The following RPS6KA2 variants were observed in gnomAD, a reference collection of about 807,000 sequenced individuals.
RPS6KA2 encodes ribosomal protein S6 kinase alpha-2.
RPS6KA2 carries 42 observed loss-of-function variants against 91.8 expected under a neutral mutation model. The observed-to-expected ratio is 0.46, with a 90% CI of 0.36 to 0.59. RPS6KA2 has a LOEUF of 0.59. RPS6KA2 is among the 20% of genes least tolerant of loss of function. The pLI, the probability that RPS6KA2 is intolerant of heterozygous loss-of-function variation, is 0.00. For synonymous variants in RPS6KA2, 414 were observed against 393.6 expected (o/e 1.05, Z -0.61); for missense variants, 798 against 978.5 (o/e 0.82, Z 2.46).
At chr6:166,571,965 C>T (rs1009359189) in intron 1 of RPS6KA2, among the ~76,000 whole-genome samples, 2 of 152,114 alleles carry the variant, frequency 1.3e-5, no homozygotes, top group East Asian at 3.9e-4. Flanking sequence ...GGAATAAAAC[C>T]CTTACATCTT....
At chr6:166,442,150 A>G (rs762265172) in intron 14 of RPS6KA2, among the ~76,000 whole-genome samples, 1 of 152,164 alleles carries the variant, frequency 6.6e-6, no homozygotes, top group Admixed American at 6.5e-5. Context: ...TTATCAAACA[A>G]TGGATTTTTC....
chr6:166,559,306 T>C (rs545543029), intron 1 of RPS6KA2, among the ~76,000 whole-genome samples: 1 of 152,312 alleles, frequency 6.6e-6, no homozygotes, highest in African/African-American at 2.4e-5. Context: ...TGCACAGGGA[T>C]AGAGGCATGT....
At chr6:166,476,034 A>C (rs931943775) in intron 10 of RPS6KA2, among the ~76,000 whole-genome samples, 1 of 152,144 alleles carries the variant, frequency 6.6e-6, no homozygotes, top group Non-Finnish European at 1.5e-5. Context: ...ACATGTGCAA[A>C]AGGGGTCACT....
At chr6:166,828,224 G>C (rs1450628642) in intron 2 of RPS6KA2, among the ~76,000 whole-genome samples, 1 of 152,208 alleles carries the variant, frequency 6.6e-6, no homozygotes, top group Non-Finnish European at 1.5e-5. Context: ...GCCACAAAGT[G>C]AGCACAGAAT....
rs1232910936 is a variant in RPS6KA2, at chr6:166,459,122, A to G, written c.1075+327T>C. Among the ~76,000 whole-genome samples, 1 of 152,204 alleles carries G rather than the reference A, an allele frequency of 6.6e-6. No individual in the cohort carries two copies. The highest frequency in any genetic ancestry group is 2.4e-5 in the African/African-American group (1 of 41,454). ...TCTCCGTAAATGCACTTTAATTGAA[A>G]GAGGGATTTTAATTGCCTCCAGTTT... On this transcript the variant is annotated intron_variant, in intron 12 of 20. Coordinates refer to ENST00000265678, the MANE Select transcript of RPS6KA2 (RefSeq NM_021135.6). This position sits in a 1 kb window ranked among gnomAD's most constrained non-coding sequence, Gnocchi z 4.9.
chr6:166,447,177 A>G (rs572709986), intron 14 of RPS6KA2, among the ~76,000 whole-genome samples: 2 of 152,328 alleles, frequency 1.3e-5, no homozygotes, highest in African/African-American at 4.8e-5. Flanking sequence ...CAACCACTTC[A>G]TAACAAAACT....
chr6:166,447,746 G>A (rs544141005), intron 14 of RPS6KA2, among the ~76,000 whole-genome samples: 2 of 152,252 alleles, frequency 1.3e-5, no homozygotes, highest in South Asian at 2.1e-4. Flanking sequence ...CTTTTTACAC[G>A]ACTTGCTGGC....
intron 2 of RPS6KA2, among the ~76,000 whole-genome samples, chr6:166,644,706 G>A (rs1194847541): frequency 6.6e-6 from 1 of 152,216 alleles, no homozygotes. Context: ...GAGTGCTGTG[G>A]CTTACTTGCA....
At chr6:166,729,852 CCCACTT>C (rs1193684674) in intron 2 of RPS6KA2, among the ~76,000 whole-genome samples, 1 of 152,176 alleles carries the variant, frequency 6.6e-6, no homozygotes, top group African/African-American at 2.4e-5. Flanking sequence ...ACCCTGGACA[CCCACTT>C]CCTGTGTGTG....
intron 2 of RPS6KA2, among the ~76,000 whole-genome samples, chr6:166,695,228 C>T (rs112992077): frequency 0.012 from 1,877 of 152,276 alleles, 17 homozygotes; most frequent in South Asian, 0.03. Flanking sequence ...AACTCTGAAA[C>T]TCAAAAGGTG....
At chr6:166,574,229 G>T (rs529888805) in intron 1 of RPS6KA2, among the ~76,000 whole-genome samples, 1 of 152,304 alleles carries the variant, frequency 6.6e-6, no homozygotes, top group East Asian at 1.9e-4. Context: ...ATTGCATGAC[G>T]CTGTGGCCTG....
intron 1 of RPS6KA2, among the ~76,000 whole-genome samples, chr6:166,551,791 CAAG>C (rs1250743516): frequency 6.6e-6 from 1 of 152,176 alleles, no homozygotes; most frequent in Non-Finnish European, 1.5e-5. Context: ...ATGGTGAGAG[CAAG>C]AAGGACTTGG....
intron 2 of RPS6KA2, among the ~76,000 whole-genome samples, chr6:166,775,422 A>G (rs1024416888): frequency 2.0e-5 from 3 of 152,198 alleles, no homozygotes; most frequent in Admixed American, 1.3e-4. Flanking sequence ...CGTGCAGCCA[A>G]TGAAATCCTG....
intron 2 of RPS6KA2, among the ~76,000 whole-genome samples, chr6:166,694,569 G>T (rs571712304): frequency 8.5e-5 from 13 of 152,354 alleles, no homozygotes; most frequent in African/African-American, 3.1e-4. Context: ...TGACCACCTG[G>T]TAACTGGGCA....
At chr6:166,715,136 G>A (rs1256089723) in intron 2 of RPS6KA2, among the ~76,000 whole-genome samples, 1 of 152,242 alleles carries the variant, frequency 6.6e-6, no homozygotes, top group African/African-American at 2.4e-5. Flanking sequence ...AGCACTGGGA[G>A]GCCCCAGAGA....
At chr6:166,555,647 C>G (rs376751731) in intron 1 of RPS6KA2, among the ~76,000 whole-genome samples, 1 of 152,100 alleles carries the variant, frequency 6.6e-6, no homozygotes, top group African/African-American at 2.4e-5. Context: ...CCCAGTATCT[C>G]GGTGTACTGA....
chr6:166,726,817 C>T lies in RPS6KA2; in HGVS notation c.123+131383G>A, dbSNP rs118033978. On this transcript the variant is annotated intron_variant, in intron 2 of 21. Transcript: ENST00000503859. This position sits in a 1 kb window ranked among gnomAD's most constrained non-coding sequence, Gnocchi z 4.4. ...GAGGAGTGTTTGGCAGATGAAACCCCTCCACCAGGGAGGTGACGGGTCTCA... is the reference window on the plus strand; with the variant it reads ...GAGGAGTGTTTGGCAGATGAAACCCTTCCACCAGGGAGGTGACGGGTCTCA... Among the ~76,000 whole-genome samples, 1,310 of 152,304 alleles carry T rather than the reference C, an allele frequency of 8.6e-3. 15 individuals are homozygous for T. Among genetic ancestry groups the T allele is most frequent in the Middle Eastern group, 0.02 (6 of 294 alleles).
intron 8 of RPS6KA2, among the ~76,000 whole-genome samples, chr6:166,497,595 C>T (rs1221311004): frequency 6.6e-6 from 1 of 152,224 alleles, no homozygotes; most frequent in Non-Finnish European, 1.5e-5. Context: ...CTGCAGTGAC[C>T]CAAGTGGCAA....
At chr6:166,700,437 TTTA>T (rs1211232256) in intron 2 of RPS6KA2, among the ~76,000 whole-genome samples, 2 of 152,180 alleles carry the variant, frequency 1.3e-5, no homozygotes, top group African/African-American at 4.8e-5. Context: ...AAATTTTAAA[TTTA>T]TTTTTTAAAA....
Sources: gnomAD v4.1 joint callset for allele counts (sites outside exome capture counted in the v4.1 genomes callset) on GRCh38, gnomAD v4.1.1 for gene constraint, Gnocchi (gnomAD v3.1) non-coding constraint, MANE v1.5 for transcripts, NCBI Gene and HGNC (gene_info 2026-07-23, HGNC 2026-07-21) for gene names.